The following PCGF1 variants were observed in gnomAD, a reference collection of about 807,000 sequenced individuals.
PCGF1 encodes polycomb group RING finger protein 1.
Under a neutral mutation model 38.8 loss-of-function variants are expected in PCGF1, and 10 were observed. The observed-to-expected ratio is 0.26, with a 90% CI of 0.16 to 0.44. The LOEUF is 0.44. Among genes scored for constraint, PCGF1 ranks in the 20% least tolerant of loss-of-function variants. PCGF1 has a pLI of 1.00. For missense variants in PCGF1, 230 were observed against 331.5 expected, an observed-to-expected ratio of 0.69 and a Z score of 2.38; for synonymous variants, 119 against 121.3, an observed-to-expected ratio of 0.98 and a Z score of 0.12.
intron 3 of PCGF1, 69 bp from the exon 4 acceptor site, chr2:74,506,321 T>A (rs1398508002): frequency 7.0e-7 from 1 of 1,433,522 alleles, no homozygotes; most frequent in Non-Finnish European, 9.8e-7. Context: ...CTCACGCCTG[T>A]AATCCCAGCA....
chr2:74,506,469 T>C (rs2104315223), intron 3 of PCGF1: 1 of 612,986 alleles, frequency 1.6e-6, no homozygotes, highest in Non-Finnish European at 2.8e-6. Flanking sequence ...TCCCAGCTAC[T>C]CAGGAGGCTG....
rs1572977277 is a variant in PCGF1, at chr2:74,506,481, G to A, written c.353-229C>T. ...TAGTCCCAGCTACTCAGGAGGCTGA[G>A]GCAGGAGAATGGCATGAATCCAGGA... On this transcript the variant is annotated intron_variant, in intron 3 of 8. Coordinates refer to ENST00000233630, the MANE Select transcript of PCGF1 (RefSeq NM_032673.3). 9 of 611,998 alleles carry A rather than the reference G, an allele frequency of 1.5e-5. No individual in the cohort carries two copies. The South Asian group carries it at 1.8e-4, about 12-fold the overall frequency. 37.9% of individuals were successfully genotyped at this position (611,998 alleles called of 1,614,324 possible).
chr2:74,505,730 T>A lies in PCGF1; in HGVS notation c.564+7A>T, dbSNP rs1346917919. ...CTTAGAGAGGCCCTCCCCTCAGCCC[T>A]TCTCACCTGCAGGACGCTTTTATTC... On this transcript the variant is annotated splice_region_variant and intron_variant, in intron 6 of 8. Coordinates refer to ENST00000233630, the MANE Select transcript of PCGF1 (RefSeq NM_032673.3). 2 of 1,614,182 alleles carry A rather than the reference T, an allele frequency of 1.2e-6. No individual in the cohort carries two copies. Among genetic ancestry groups the A allele is most frequent in the Non-Finnish European group, 1.7e-6 (2 of 1,180,016 alleles).
rs773898893 is a variant in PCGF1 at position 74,506,225 on chromosome 2, T to G, written c.380A>C (p.Tyr127Ser). Residue 127 changes from tyrosine to serine, a missense_variant, in exon 4 of 9, where the codon TAC becomes TCC. Coordinates refer to ENST00000233630, the MANE Select transcript of PCGF1 (RefSeq NM_032673.3). ...GACCCGGTCCAAACCTCGGGACTGG[T>G]AGAATTCCCGAATCCGTTTCTCTTC... is the stretch of plus-strand genomic sequence containing the variant. Reference protein sequence around the residue: ...DSEEKRIREFYQSRGLDRVTQ... With the variant: ...DSEEKRIREFSQSRGLDRVTQ... 3 of 1,614,106 alleles carry G rather than the reference T, an allele frequency of 1.9e-6. No homozygotes were observed. The South Asian group carries it at 3.3e-5, about 18-fold the overall frequency.
intron 2 of PCGF1, 56 bp downstream of exon 2, chr2:74,506,986 G>T: frequency 6.2e-7 from 1 of 1,603,156 alleles, no homozygotes; most frequent in Non-Finnish European, 8.5e-7. Context: ...GAAGCTGGCA[G>T]TCAGCTTGGT....
Position 74,506,576 on chromosome 2 carries a change from A to G in PCGF1, c.352+156T>C. 4.7e-6 allele frequency: 4 copies of G among 846,858 alleles called. No homozygotes were observed. In the South Asian group the frequency reaches 6.8e-5, roughly 14 times the overall value. The allele number at this position is 846,858 out of a possible 1,614,324, so 52.5% of individuals were successfully genotyped here. On this transcript the variant is annotated intron_variant, in intron 3 of 8. Coordinates refer to ENST00000233630, the MANE Select transcript of PCGF1 (RefSeq NM_032673.3). ...CTGGGCAAGACTCCGTCTCAAAAAA[A>G]GAAAAAAAAGAATAAAGTATTAGCC...
Position 74,507,490 on chromosome 2 carries a change from G to C in PCGF1, c.93+86C>G. On this transcript the variant is annotated intron_variant, in intron 1 of 8. Transcript: ENST00000233630. ...CTCTGTCTCTGCGCAGGCGCACTGG[G>C]CGCCCGGCCAGCCACCGCCCGTCCT... The C allele has an allele frequency of 2.0e-6, 3 of 1,522,200 alleles. No homozygotes were observed. The East Asian group carries it at 7.4e-5, about 37-fold the overall frequency. The allele number at this position is 1,522,200 out of a possible 1,614,324, so 94.3% of individuals were successfully genotyped here.
Position 74,506,920 on chromosome 2 carries a change from G to A in PCGF1, c.200-36C>T, listed in dbSNP as rs541880972. 32 of 1,613,670 alleles carry A rather than the reference G, an allele frequency of 2.0e-5. No individual in the cohort carries two copies. In the African/African-American group the frequency reaches 2.1e-4, roughly 11 times the overall value. On this transcript the variant is annotated intron_variant, in intron 2 of 8. Coordinates refer to ENST00000233630, the MANE Select transcript of PCGF1 (RefSeq NM_032673.3). ...AGAAAAGCAGATTCTCAGGCCCTCT[G>A]GAAACTGGATTCATGGGCTGGGTGG...
intron 3 of PCGF1, 176 bp from the exon 4 acceptor site, chr2:74,506,428 A>G: frequency 1.5e-6 from 1 of 648,730 alleles, no homozygotes; most frequent in Non-Finnish European, 2.6e-6. Flanking sequence ...AATATAAAAA[A>G]TTAGCTGGGC....
Position 74,505,424 on chromosome 2 carries a change from G to A in PCGF1, c.652-5C>T, listed in dbSNP as rs761381237. ...ATTGTCAAAAAGGAGCTGCACCTAG[G>A]AGGGAGATGGGGGCATAATTTTAGG... On this transcript the variant is annotated splice_region_variant and splice_polypyrimidine_tract_variant and intron_variant, in intron 7 of 8. Transcript: ENST00000233630. The A allele has an allele frequency of 1.9e-6, 3 of 1,608,556 alleles. No homozygotes were observed. The African/African-American group carries it at 4.0e-5, about 21-fold the overall frequency.
chr2:74,506,973 A>C lies in PCGF1; in HGVS notation c.199+69T>G, dbSNP rs1674650627. On this transcript the variant is annotated intron_variant, in intron 2 of 8. Coordinates refer to ENST00000233630, the MANE Select transcript of PCGF1 (RefSeq NM_032673.3). ...TGCCTGGATGCGTGAGGCAGGCCGC[A>C]CAGAAGCTGGCAGTCAGCTTGGTGA... 12 of 1,602,666 alleles carry C rather than the reference A, an allele frequency of 7.5e-6. No individual in the cohort carries two copies. In the East Asian group the frequency reaches 2.7e-4, roughly 36 times the overall value.
rs755387225 is a variant in PCGF1, at chr2:74,505,644, A to T, written c.565-6T>A. 1.2e-5 allele frequency: 20 copies of T among 1,614,080 alleles called. No homozygotes were observed. Among genetic ancestry groups the T allele is most frequent in the Non-Finnish European group, 1.3e-5 (15 of 1,180,006 alleles). ...GAACATCGGACATACTTGTTCTGGGAGCAGGGAGGGGAGGGAAGAGGGCAA... is the reference window on the plus strand; with the variant it reads ...GAACATCGGACATACTTGTTCTGGGTGCAGGGAGGGGAGGGAAGAGGGCAA... On this transcript the variant is annotated splice_polypyrimidine_tract_variant and splice_region_variant and intron_variant, in intron 6 of 8. Coordinates refer to ENST00000233630, the MANE Select transcript of PCGF1 (RefSeq NM_032673.3).
chr2:74,506,980 C>A, intron 2 of PCGF1, 62 bp downstream of exon 2: 1 of 1,603,684 alleles, frequency 6.2e-7, no homozygotes, highest in Non-Finnish European at 8.5e-7. Flanking sequence ...CGCACAGAAG[C>A]TGGCAGTCAG....
Position 74,507,691 on chromosome 2 carries a change from C to T in PCGF1, c.-23G>A, listed in dbSNP as rs777526488. 7.7e-6 allele frequency: 12 copies of T among 1,550,078 alleles called. No individual in the cohort carries two copies. The Admixed American group carries it at 2.4e-4, about 30-fold the overall frequency. ...CATCTTAAAGGCTGATCCCAGCCGG[C>T]CACTTCCGGTGCCGCCTGCAGGGCG... On this transcript the variant is annotated 5_prime_UTR_variant, in exon 1 of 9. Coordinates refer to ENST00000233630, the MANE Select transcript of PCGF1 (RefSeq NM_032673.3).
At position 74,505,427 on chromosome 2, in the gene PCGF1, G is replaced by A; in HGVS notation, c.652-8C>T. On this transcript the variant is annotated splice_region_variant and splice_polypyrimidine_tract_variant and intron_variant, in intron 7 of 8. Coordinates refer to ENST00000233630, the MANE Select transcript of PCGF1 (RefSeq NM_032673.3). ...GTCAAAAAGGAGCTGCACCTAGGAG[G>A]GAGATGGGGGCATAATTTTAGGAAC... The A allele has an allele frequency of 1.9e-6, 3 of 1,607,444 alleles. No individual in the cohort carries two copies. Among genetic ancestry groups the A allele is most frequent in the South Asian group, 2.2e-5 (2 of 90,546 alleles).
chr2:74,505,927 C>A (rs760642895), intron 5 of PCGF1, 25 bp downstream of exon 5: 2 of 1,612,298 alleles, frequency 1.2e-6, no homozygotes, highest in East Asian at 4.5e-5. Context: ...CTGTCACCTC[C>A]TGCAACCCCT....
chr2:74,507,492 G>A (rs1016033048), intron 1 of PCGF1, 84 bp downstream of exon 1: 4 of 1,522,758 alleles, frequency 2.6e-6, no homozygotes, highest in South Asian at 1.2e-5. Flanking sequence ...CGCACTGGGC[G>A]CCCGGCCAGC....
intron 8 of PCGF1, 64 bp downstream of exon 8, chr2:74,505,275 G>A (rs1484777471): frequency 3.2e-6 from 5 of 1,576,900 alleles, no homozygotes; most frequent in Admixed American, 3.7e-5. Flanking sequence ...TTCCCCTGAG[G>A]ACTGTAGGAT....
chr2:74,507,646 T>G lies in PCGF1; in HGVS notation c.23A>C (p.Gln8Pro). Residue 8 changes from glutamine to proline, a missense_variant, in exon 1 of 9, where the codon CAG (glutamine) becomes CCG (proline). Coordinates refer to ENST00000233630, the MANE Select transcript of PCGF1 (RefSeq NM_032673.3). Reference sequence around the variant, plus strand: ...CCGAAGCCTCATCGCGATCGCAATCTGGCCCCCCTGAGGAGACGCCATCTT... The same window carrying G: ...CCGAAGCCTCATCGCGATCGCAATCGGGCCCCCCTGAGGAGACGCCATCTT... MASPQGGQIAIAMRLRNQ... is the reference protein window; with the variant it reads MASPQGGPIAIAMRLRNQ... 6.4e-7 allele frequency: 1 copy of G among 1,569,144 alleles called. No homozygotes were observed. The highest frequency in any genetic ancestry group is 8.6e-7 in the Non-Finnish European group (1 of 1,157,682).
Sources: allele counts gnomAD v4.1 joint callset, GRCh38; gene constraint gnomAD v4.1.1; transcripts MANE v1.5; gene names NCBI Gene and HGNC (gene_info 2026-07-23, HGNC 2026-07-21).